The following DEPTOR variants were observed in gnomAD, a reference collection of about 807,000 sequenced individuals.
DEPTOR encodes the protein DEP domain-containing mTOR-interacting protein.
Under a neutral mutation model 41.6 loss-of-function variants are expected in DEPTOR, and 41 were observed. The observed-to-expected ratio is 0.98, with a 90% confidence interval of 0.77 to 1.28. The LOEUF (loss-of-function observed/expected upper bound fraction) is 1.28. DEPTOR is among the 50% of genes most tolerant of loss of function. DEPTOR has a pLI of 0.00. For synonymous variants in DEPTOR, 195 were observed against 192.3 expected, an observed-to-expected ratio of 1.01 and a Z score of -0.12; for missense variants, 514 against 527.9, an observed-to-expected ratio of 0.97 and a Z score of 0.26.
At chr8:119,901,979 T>C (rs1356150639) in intron 1 of DEPTOR, among the ~76,000 whole-genome samples, 2 of 152,144 alleles carry the variant, frequency 1.3e-5, no homozygotes, top group East Asian at 3.8e-4. Flanking sequence ...GTGCTAAGTG[T>C]CTGTGATACA....
At chr8:119,940,668 C>T (rs1186387588) in intron 3 of DEPTOR, among the ~76,000 whole-genome samples, 2 of 151,840 alleles carry the variant, frequency 1.3e-5, no homozygotes, top group African/African-American at 4.8e-5. Context: ...ATCACTTGAA[C>T]CCGGGAGGTT....
intron 1 of DEPTOR, among the ~76,000 whole-genome samples, chr8:119,918,936 T>A (rs984125257): frequency 8.8e-4 from 110 of 125,426 alleles, no homozygotes; most frequent in African/African-American, 3.7e-3. Flanking sequence ...ATTTGCATAG[T>A]GAGTGTGTGT....
chr8:119,974,637 T>G (rs55660329), intron 4 of DEPTOR, among the ~76,000 whole-genome samples: 1 of 151,916 alleles, frequency 6.6e-6, no homozygotes, highest in East Asian at 1.9e-4. Flanking sequence ...GCAGGCTTGA[T>G]GGTGTGTGCC....
At chr8:119,886,236 T>C (rs540862805) in intron 1 of DEPTOR, among the ~76,000 whole-genome samples, 1 of 152,340 alleles carries the variant, frequency 6.6e-6, no homozygotes, top group Admixed American at 6.5e-5. Flanking sequence ...TGGCTTCATC[T>C]TCCAGCCAGT....
At chr8:120,044,941 C>T (rs1004041971) in intron 8 of DEPTOR, among the ~76,000 whole-genome samples, 7 of 152,120 alleles carry the variant, frequency 4.6e-5, no homozygotes, top group Admixed American at 4.6e-4. Context: ...GCAGTTTTTG[C>T]AATTAAAAGT....
In DEPTOR at chr8:119,988,431, T is replaced by A. The variant is rs546625276; in HGVS notation, c.605-13094T>A. ...CCTTCTGCGTTGATCTCACTGGGAG[T>A]TGCAGACCAGAGCTGTTCCTGTTCG... On this transcript the variant is annotated intron_variant, in intron 4 of 8. Transcript: ENST00000286234. Among the ~76,000 whole-genome samples, 5 of 152,196 alleles carry A rather than the reference T, an allele frequency of 3.3e-5. No homozygotes were observed. In the East Asian group the frequency reaches 5.8e-4, roughly 18 times the overall value.
At chr8:119,909,826 C>T (rs1482109973) in intron 1 of DEPTOR, among the ~76,000 whole-genome samples, 2 of 152,162 alleles carry the variant, frequency 1.3e-5, no homozygotes, top group Admixed American at 1.3e-4. Flanking sequence ...ATCAAGTTTT[C>T]GCAAATGAGA....
chr8:120,003,740 C>G (rs953717771), intron 6 of DEPTOR, among the ~76,000 whole-genome samples: 2 of 152,172 alleles, frequency 1.3e-5, no homozygotes, highest in African/African-American at 4.8e-5. Context: ...TCATCAACCT[C>G]CATGGCCTTT....
At chr8:119,952,425 G>A (rs1171937980) in intron 3 of DEPTOR, among the ~76,000 whole-genome samples, 2 of 152,142 alleles carry the variant, frequency 1.3e-5, no homozygotes, top group Non-Finnish European at 2.9e-5. Flanking sequence ...CTGAACCTAG[G>A]TTCCCTTGTA....
chr8:120,005,725 T>C (rs903508887), intron 6 of DEPTOR, among the ~76,000 whole-genome samples: 6 of 152,124 alleles, frequency 3.9e-5, no homozygotes, highest in African/African-American at 1.4e-4. Context: ...ACAGCCCCTC[T>C]CCAGTTCTTA....
At chr8:119,876,551 T>C (rs745879196) in intron 1 of DEPTOR, among the ~76,000 whole-genome samples, 1 of 151,800 alleles carries the variant, frequency 6.6e-6, no homozygotes, top group Non-Finnish European at 1.5e-5. Flanking sequence ...GGTGAGAGGA[T>C]TGCTTGAACC....
At chr8:119,931,908 G>A (rs1828048554) in intron 3 of DEPTOR, among the ~76,000 whole-genome samples, 1 of 151,354 alleles carries the variant, frequency 6.6e-6, no homozygotes, top group South Asian at 2.1e-4. Context: ...CTCCAAGGAT[G>A]AAGGCCAGTG....
chr8:120,016,479 T>G (rs1173213850), intron 8 of DEPTOR, among the ~76,000 whole-genome samples: 1 of 152,030 alleles, frequency 6.6e-6, no homozygotes, highest in Non-Finnish European at 1.5e-5. Context: ...TTTTGTATTT[T>G]TATTAGAGAC....
chr8:119,986,371 T>C (rs1293450569), intron 4 of DEPTOR, among the ~76,000 whole-genome samples: 1 of 152,204 alleles, frequency 6.6e-6, no homozygotes, highest in African/African-American at 2.4e-5. Flanking sequence ...CTCTTCTGTC[T>C]TGTAGAGTTT....
chr8:119,950,614 T>G (rs979100395), intron 3 of DEPTOR, among the ~76,000 whole-genome samples: 16 of 152,046 alleles, frequency 1.1e-4, no homozygotes, highest in African/African-American at 3.4e-4. Flanking sequence ...TTTTCTTTTT[T>G]GAGATGGAAT....
intron 8 of DEPTOR, among the ~76,000 whole-genome samples, chr8:120,024,835 C>T (rs1216198818): frequency 1.3e-5 from 2 of 152,114 alleles, no homozygotes; most frequent in Non-Finnish European, 2.9e-5. Flanking sequence ...TACTTTGTTA[C>T]TGTAGTCCTA....
intron 8 of DEPTOR, among the ~76,000 whole-genome samples, chr8:120,017,258 G>A (rs994007465): frequency 2.6e-5 from 4 of 152,062 alleles, no homozygotes; most frequent in African/African-American, 7.2e-5. Flanking sequence ...GGTAGTGTTC[G>A]CCTTACTTTA....
intron 4 of DEPTOR, among the ~76,000 whole-genome samples, chr8:119,988,747 T>C (rs983850166): frequency 1.9e-4 from 29 of 152,140 alleles, no homozygotes; most frequent in African/African-American, 6.8e-4. Context: ...GTCCCCAAAG[T>C]GCTGGGATTA....
intron 1 of DEPTOR, among the ~76,000 whole-genome samples, chr8:119,915,766 T>C (rs1343826340): frequency 1.3e-5 from 2 of 152,086 alleles, no homozygotes; most frequent in African/African-American, 4.8e-5. Context: ...AGAGATGAGG[T>C]TGATTCCAGC....
Sources: gnomAD v4.1 joint callset for allele counts (sites outside exome capture counted in the v4.1 genomes callset) on GRCh38, gnomAD v4.1.1 for gene constraint, MANE v1.5 for transcripts, NCBI Gene and HGNC (gene_info 2026-07-23, HGNC 2026-07-21) for gene names.